Variants in XKR6 observed in about 807,000 individuals in gnomAD.
XKR6 encodes XK related 6.
In XKR6, 22 loss-of-function variants were observed where a neutral mutation model predicts 56.7. That is an observed-to-expected ratio of 0.39 (90% CI 0.28 to 0.55). The LOEUF is 0.55. Ranked by LOEUF, XKR6 falls within the 20% of genes least tolerant of loss-of-function variation. XKR6 has a pLI of 0.66. For synonymous variants in XKR6, 524 were observed against 387.8 expected, an observed-to-expected ratio of 1.35 and a Z score of -4.13; for missense variants, 852 against 889.0, an observed-to-expected ratio of 0.96 and a Z score of 0.53.
intron 2 of XKR6, among the ~76,000 whole-genome samples, chr8:10,915,510 T>G (rs1289016163): frequency 6.6e-6 from 1 of 151,900 alleles, no homozygotes; most frequent in Non-Finnish European, 1.5e-5. Context: ...CCTGTTTCTT[T>G]TTTTTTTTCT....
chr8:11,111,734 T>C (rs1445194374), intron 1 of XKR6: 1 of 152,126 alleles, frequency 6.6e-6, no homozygotes, highest in Non-Finnish European at 1.5e-5. Flanking sequence ...ATCATAATTA[T>C]CTGTTATTAG....
At chr8:11,172,642 G>C (rs920548078) in intron 1 of XKR6, among the ~76,000 whole-genome samples, 2 of 152,140 alleles carry the variant, frequency 1.3e-5, no homozygotes, top group Admixed American at 6.5e-5. Flanking sequence ...TACTGTTGCC[G>C]GGAATTGGTA....
intron 1 of XKR6, among the ~76,000 whole-genome samples, chr8:11,058,732 T>A (rs1385598155): frequency 6.6e-6 from 1 of 152,162 alleles, no homozygotes; most frequent in Admixed American, 6.5e-5. Context: ...AAACACCTAA[T>A]GCATGCGGGG....
intron 1 of XKR6, among the ~76,000 whole-genome samples, chr8:10,948,126 C>A (rs1206804921): frequency 6.6e-6 from 1 of 152,188 alleles, no homozygotes. Context: ...AAATATCTCA[C>A]TGGTTCCTCG....
At chr8:11,048,092 C>T (rs889965038) in intron 1 of XKR6, among the ~76,000 whole-genome samples, 1 of 152,114 alleles carries the variant, frequency 6.6e-6, no homozygotes, top group African/African-American at 2.4e-5. Context: ...CTGTCTGTAT[C>T]CTTCGATCAC....
chr8:10,935,252 T>G (rs1323053937), intron 1 of XKR6, among the ~76,000 whole-genome samples: 4 of 124,140 alleles, frequency 3.2e-5, no homozygotes, highest in Non-Finnish European at 6.8e-5. Flanking sequence ...GATATCCCCT[T>G]TATCATTTTT....
rs985473012 is a variant in XKR6, at chr8:11,201,582, G to A, written c.-243C>T. 6.6e-6 allele frequency among the ~76,000 whole-genome samples: 1 copy of A among 151,990 alleles called. No homozygotes were observed. Among genetic ancestry groups the A allele is most frequent in the Non-Finnish European group, 1.5e-5 (1 of 67,978 alleles). On this transcript the variant is annotated 5_prime_UTR_variant, in exon 1 of 3. Coordinates refer to ENST00000416569, the MANE Select transcript of XKR6 (RefSeq NM_173683.4). ...CGCAGCTCCCCAGCCCTACCCTCCC[G>A]GCCAAGATGGCCGCCCTCCTGTGCC...
intron 1 of XKR6, among the ~76,000 whole-genome samples, chr8:11,090,650 C>G (rs1198052673): frequency 6.6e-6 from 1 of 152,112 alleles, no homozygotes; most frequent in Non-Finnish European, 1.5e-5. Context: ...GGTTGAACAT[C>G]TTTTTATATA....
At chr8:10,951,774 G>A (rs1487217559) in intron 1 of XKR6, among the ~76,000 whole-genome samples, 3 of 152,218 alleles carry the variant, frequency 2.0e-5, no homozygotes. Flanking sequence ...CATGTCAGTG[G>A]CCTTGGGAGA....
intron 1 of XKR6, among the ~76,000 whole-genome samples, chr8:11,188,596 T>C (rs1803392936): frequency 6.6e-6 from 1 of 152,208 alleles, no homozygotes; most frequent in African/African-American, 2.4e-5. Context: ...ATCTTTTCCT[T>C]CAGAGTTTTC....
At chr8:11,115,622 G>C (rs533718623) in intron 1 of XKR6, among the ~76,000 whole-genome samples, 1 of 134,576 alleles carries the variant, frequency 7.4e-6, no homozygotes, top group Non-Finnish European at 1.6e-5. Flanking sequence ...TAATTGTGTG[G>C]GAATATGATA....
chr8:11,159,837 G>T (rs1405461372), intron 1 of XKR6, among the ~76,000 whole-genome samples: 3 of 152,146 alleles, frequency 2.0e-5, no homozygotes. Context: ...CACAAAGAAG[G>T]TACCTTATCT....
intron 1 of XKR6, among the ~76,000 whole-genome samples, chr8:10,956,062 G>T (rs1801877125): frequency 6.6e-6 from 1 of 152,176 alleles, no homozygotes. Context: ...CCCTGAGAGG[G>T]ATGTGCCTGC....
intron 1 of XKR6, among the ~76,000 whole-genome samples, chr8:10,945,724 C>G (rs531065312): frequency 6.6e-6 from 1 of 152,328 alleles, no homozygotes; most frequent in East Asian, 1.9e-4. Flanking sequence ...TCCTTGAACT[C>G]TGGAAAGTTC....
At chr8:10,968,502 C>T (rs1802300508) in intron 1 of XKR6, among the ~76,000 whole-genome samples, 1 of 152,220 alleles carries the variant, frequency 6.6e-6, no homozygotes. Flanking sequence ...GGCTCCTCTG[C>T]AGAACTCATT....
intron 1 of XKR6, among the ~76,000 whole-genome samples, chr8:11,071,461 AAGTCTATGAGCCCCG>A (rs1233164415): frequency 3.0e-5 from 4 of 133,442 alleles, no homozygotes; most frequent in African/African-American, 1.3e-4. Flanking sequence ...TTACACCTTT[AAGTCTATGAGCCCCG>A]AGTCCATGAG....
intron 1 of XKR6, among the ~76,000 whole-genome samples, chr8:10,985,454 A>G (rs1302549227): frequency 6.6e-6 from 1 of 152,182 alleles, no homozygotes; most frequent in African/African-American, 2.4e-5. Context: ...ATTTGATAGA[A>G]TAACAATTTA....
intron 1 of XKR6, among the ~76,000 whole-genome samples, chr8:10,969,741 T>C (rs1249975951): frequency 1.3e-5 from 2 of 152,208 alleles, no homozygotes; most frequent in East Asian, 3.9e-4. Context: ...CCACTGGGGC[T>C]GAGCTGGAGG....
At chr8:11,033,957 GC>G in intron 1 of XKR6, among the ~76,000 whole-genome samples, 1 of 152,324 alleles carries the variant, frequency 6.6e-6, no homozygotes, top group East Asian at 1.9e-4. Flanking sequence ...GCCAGGAATG[GC>G]AGAGCCAGGA....
Sources: gnomAD v4.1 joint callset for allele counts (sites outside exome capture counted in the v4.1 genomes callset) on GRCh38, gnomAD v4.1.1 for gene constraint, MANE v1.5 for transcripts, NCBI Gene and HGNC (gene_info 2026-07-23, HGNC 2026-07-21) for gene names.